The following FHIT variants were observed in gnomAD, a reference collection of about 807,000 sequenced individuals.
The protein encoded by FHIT is fragile histidine triad diadenosine triphosphatase.
In FHIT, 19 loss-of-function variants were observed where a neutral mutation model predicts 17.9. That is an observed-to-expected ratio of 1.06 (90% CI 0.74 to 1.56). FHIT has a LOEUF of 1.56. Among genes scored for constraint, FHIT ranks in the 40% most tolerant of loss-of-function variants. FHIT has a pLI of 0.00. For synonymous variants in FHIT, 81 were observed against 69.7 expected, an observed-to-expected ratio of 1.16 and a Z score of -0.81; for missense variants, 248 against 189.2, an observed-to-expected ratio of 1.31 and a Z score of -1.82.
intron 4 of FHIT, among the ~76,000 whole-genome samples, chr3:60,792,340 T>A (rs1700809163): frequency 6.7e-6 from 1 of 148,426 alleles, no homozygotes; most frequent in Non-Finnish European, 1.5e-5. Flanking sequence ...ATGTATATAG[T>A]TGTGTATACA....
intron 5 of FHIT, among the ~76,000 whole-genome samples, chr3:60,450,551 G>T (rs1429866395): frequency 5.3e-5 from 8 of 152,222 alleles, no homozygotes; most frequent in African/African-American, 1.4e-4. Context: ...GGGGATGCTG[G>T]ATTTTCATAA....
chr3:59,777,773 G>C (rs947829080), intron 8 of FHIT, among the ~76,000 whole-genome samples: 4 of 151,752 alleles, frequency 2.6e-5, no homozygotes, highest in African/African-American at 9.7e-5. Context: ...TCCTCTGCCT[G>C]CTCACCAATG....
intron 4 of FHIT, among the ~76,000 whole-genome samples, chr3:60,750,461 T>C (rs1488893233): frequency 6.6e-6 from 1 of 152,094 alleles, no homozygotes; most frequent in Admixed American, 6.5e-5. Context: ...GGTGATTGAA[T>C]TATGGGAGCA....
At chr3:59,769,489 A>G (rs770909348) in intron 8 of FHIT, among the ~76,000 whole-genome samples, 3 of 152,176 alleles carry the variant, frequency 2.0e-5, no homozygotes, top group Non-Finnish European at 4.4e-5. Context: ...TTAATTATGT[A>G]TGTGCACAGG....
intron 2 of FHIT, among the ~76,000 whole-genome samples, chr3:61,190,065 A>C (rs560268207): frequency 2.6e-5 from 4 of 152,168 alleles, no homozygotes; most frequent in East Asian, 3.9e-4. Context: ...AATGGCAACA[A>C]AAGACAAAAT....
At chr3:59,801,637 C>G (rs1481974145) in intron 8 of FHIT, among the ~76,000 whole-genome samples, 3 of 152,112 alleles carry the variant, frequency 2.0e-5, no homozygotes, top group African/African-American at 7.2e-5. Context: ...ACCCAATGCT[C>G]TGTATCAATG....
chr3:61,044,178 C>T (rs945004620), intron 2 of FHIT, among the ~76,000 whole-genome samples: 12 of 152,114 alleles, frequency 7.9e-5, no homozygotes, highest in Non-Finnish European at 1.0e-4. Context: ...TAGTAACAAA[C>T]TTCTCCAAGC....
chr3:60,089,830 T>A (rs1399484752), intron 5 of FHIT, among the ~76,000 whole-genome samples: 1 of 152,138 alleles, frequency 6.6e-6, no homozygotes, highest in Non-Finnish European at 1.5e-5. Flanking sequence ...AATGGCAACA[T>A]CTCGTAATAT....
At chr3:61,208,720 G>A (rs1197228670) in intron 1 of FHIT, among the ~76,000 whole-genome samples, 1 of 151,872 alleles carries the variant, frequency 6.6e-6, no homozygotes, top group Non-Finnish European at 1.5e-5. Context: ...CTCTGTACAT[G>A]ACATGGGTTT....
At chr3:60,039,337 T>C (rs187060950) in intron 5 of FHIT, among the ~76,000 whole-genome samples, 3 of 152,312 alleles carry the variant, frequency 2.0e-5, no homozygotes, top group African/African-American at 7.2e-5. Context: ...GTTTCATACA[T>C]GGGGCTTTGG....
At chr3:60,126,790 T>C (rs1419722422) in intron 5 of FHIT, among the ~76,000 whole-genome samples, 2 of 152,194 alleles carry the variant, frequency 1.3e-5, no homozygotes, top group East Asian at 1.9e-4. Flanking sequence ...CTTCTCCCCA[T>C]GCCAGATCTG....
chr3:60,204,761 T>C (rs567297342), intron 5 of FHIT, among the ~76,000 whole-genome samples: 52 of 152,304 alleles, frequency 3.4e-4, no homozygotes, highest in African/African-American at 1.2e-3. Flanking sequence ...TTTAGATAAA[T>C]GGATATTCTG....
At chr3:61,052,943 T>C (rs1304528899) in intron 2 of FHIT, among the ~76,000 whole-genome samples, 2 of 152,168 alleles carry the variant, frequency 1.3e-5, no homozygotes, top group Non-Finnish European at 2.9e-5. Context: ...TCAACAAAAA[T>C]AAAGAACTTG....
chr3:61,100,180 A>G (rs1465310482), intron 2 of FHIT, among the ~76,000 whole-genome samples: 1 of 152,070 alleles, frequency 6.6e-6, no homozygotes, highest in Non-Finnish European at 1.5e-5. Context: ...CATGTACATT[A>G]GGTATTTCTC....
intron 5 of FHIT, among the ~76,000 whole-genome samples, chr3:60,182,616 A>G (rs1701984941): frequency 6.6e-6 from 1 of 151,896 alleles, no homozygotes; most frequent in Non-Finnish European, 1.5e-5. Context: ...TGTCTCTACA[A>G]AAAAATATAA....
At chr3:60,927,149 G>A (rs926726848) in intron 3 of FHIT, among the ~76,000 whole-genome samples, 7 of 152,176 alleles carry the variant, frequency 4.6e-5, no homozygotes, top group African/African-American at 7.2e-5. Flanking sequence ...GCAGGCGTGC[G>A]CTGCTAAGCC....
At chr3:60,891,287 T>A (rs1055647612) in intron 3 of FHIT, among the ~76,000 whole-genome samples, 3 of 152,178 alleles carry the variant, frequency 2.0e-5, no homozygotes, top group Admixed American at 1.3e-4. Flanking sequence ...ATCTTTATTC[T>A]TAGTCCATGT....
intron 2 of FHIT, among the ~76,000 whole-genome samples, chr3:61,115,351 T>C (rs1028042320): frequency 1.4e-4 from 22 of 152,014 alleles, no homozygotes; most frequent in Non-Finnish European, 8.8e-5. Context: ...AGAGAGAGCC[T>C]GGCATAGAAT....
chr3:60,907,036 G>A (rs986166788), intron 3 of FHIT, among the ~76,000 whole-genome samples: 2 of 151,982 alleles, frequency 1.3e-5, no homozygotes, highest in African/African-American at 4.8e-5. Flanking sequence ...ACAAATCATC[G>A]ATGGACAATA....
Sources: gnomAD v4.1 joint callset for allele counts (sites outside exome capture counted in the v4.1 genomes callset) on GRCh38, gnomAD v4.1.1 for gene constraint, MANE v1.5 for transcripts, NCBI Gene and HGNC (gene_info 2026-07-23, HGNC 2026-07-21) for gene names.